Variants in RIOX2 observed in about 807,000 individuals in gnomAD.
The protein encoded by RIOX2 is 60S ribosomal protein L27a histidine hydroxylase.
In RIOX2, 43 loss-of-function variants were observed where a neutral mutation model predicts 51.2. The ratio of observed to expected loss-of-function variants is 0.84; its 90% confidence interval spans 0.66 to 1.08. RIOX2 has a LOEUF of 1.08. Among genes scored for constraint, RIOX2 ranks in the 50% least tolerant of loss-of-function variants. RIOX2 has a pLI of 0.00. For missense variants in RIOX2, 566 were observed against 561.7 expected (o/e 1.01, Z -0.08); for synonymous variants, 226 against 218.5 (o/e 1.03, Z -0.30).
chr3:97,945,107 C>A lies in RIOX2; in HGVS notation c.*77G>T. The A allele has an allele frequency of 7.6e-7, 1 of 1,322,156 alleles. No homozygotes were observed. Among genetic ancestry groups the A allele is most frequent in the South Asian group, 1.7e-5 (1 of 59,332 alleles). 81.9% of individuals were successfully genotyped at this position (1,322,156 alleles called of 1,614,324 possible). On this transcript the variant is annotated 3_prime_UTR_variant, in exon 10 of 10. Transcript: ENST00000394198. ...CGCAGGTAAGGAAACTTGAATTCATCCTCTCCTCGGCTCAGGTCTTTGCTT... is the reference window on the plus strand; with the variant it reads ...CGCAGGTAAGGAAACTTGAATTCATACTCTCCTCGGCTCAGGTCTTTGCTT...
intron 3 of RIOX2, among the ~76,000 whole-genome samples, chr3:97,960,491 T>C (rs914930943): frequency 3.4e-4 from 52 of 152,120 alleles, no homozygotes; most frequent in African/African-American, 1.2e-3. Flanking sequence ...AGGCTACTAG[T>C]AGTTAAGTTT....
Position 97,945,168 on chromosome 3 carries a change from T to C in RIOX2, c.*16A>G, listed in dbSNP as rs2040324766. ...ATATGCATATAAAATAGTAGGCATT[T>C]GATTCTGCAAAGGCACTAGACTACT... is the stretch of plus-strand genomic sequence containing the variant. On this transcript the variant is annotated 3_prime_UTR_variant, in exon 10 of 10. Coordinates refer to ENST00000394198, the MANE Select transcript of RIOX2 (RefSeq NM_153182.4). The C allele has an allele frequency of 6.3e-7, 1 of 1,591,238 alleles. No individual in the cohort carries two copies. The highest frequency in any genetic ancestry group is 2.2e-5 in the East Asian group (1 of 44,504).
chr3:97,963,741 T>C (rs1705771070), intron 2 of RIOX2, among the ~76,000 whole-genome samples: 1 of 152,200 alleles, frequency 6.6e-6, no homozygotes, highest in African/African-American at 2.4e-5. Context: ...AATATGTCTC[T>C]TTTCTTCTTA....
At position 97,945,907 on chromosome 3, in the gene RIOX2, G is replaced by A; in HGVS notation, c.1150-20C>T. On this transcript the variant is annotated intron_variant, in intron 8 of 9. Coordinates refer to ENST00000394198, the MANE Select transcript of RIOX2 (RefSeq NM_153182.4). ...TTCATCCTTTGGGGAAAAAATAAAT[G>A]CATTAGGCCATCAACAACACAACAC... is the stretch of plus-strand genomic sequence containing the variant. 6.5e-7 allele frequency: 1 copy of A among 1,539,580 alleles called. No homozygotes were observed. The highest frequency in any genetic ancestry group is 9.0e-7 in the Non-Finnish European group (1 of 1,114,110).
At position 97,942,246 on chromosome 3, in the gene RIOX2, C is replaced by T; in HGVS notation, c.*2938G>A. Reference sequence around the variant, plus strand: ...ACCTAATTCAACTTACTTTAGCAAACATACTACTGCCAATTAATCATTTCT... The same window carrying T: ...ACCTAATTCAACTTACTTTAGCAAATATACTACTGCCAATTAATCATTTCT... On this transcript the variant is annotated 3_prime_UTR_variant, in exon 10 of 10. Transcript: ENST00000394198. The T allele has an allele frequency of 6.4e-7, 1 of 1,559,936 alleles. No individual in the cohort carries two copies.
intron 1 of RIOX2, chr3:97,971,553 CT>C (rs1387788679): frequency 2.0e-5 from 3 of 152,164 alleles, no homozygotes; most frequent in African/African-American, 7.2e-5. Flanking sequence ...CAGCAGTTAT[CT>C]TTTTAGTCTG....
At chr3:97,968,022 C>T (rs1705959165) in intron 1 of RIOX2, among the ~76,000 whole-genome samples, 1 of 152,212 alleles carries the variant, frequency 6.6e-6, no homozygotes, top group Admixed American at 6.5e-5. Flanking sequence ...TGGCTCCCAT[C>T]AGCATCAGGG....
At chr3:97,958,023 C>T (rs957126294) in intron 4 of RIOX2, among the ~76,000 whole-genome samples, 2 of 152,082 alleles carry the variant, frequency 1.3e-5, no homozygotes, top group Non-Finnish European at 2.9e-5. Flanking sequence ...GTTTGATGAC[C>T]ACTGACTAAA....
intron 4 of RIOX2, 94 bp from the exon 5 acceptor site, chr3:97,954,589 A>G (rs1018354358): frequency 2.9e-6 from 3 of 1,037,122 alleles, no homozygotes; most frequent in Non-Finnish European, 4.4e-6. Flanking sequence ...TTTGAGTCTC[A>G]GTTCTCCATT....
chr3:97,959,209 G>A (rs1314054333), intron 3 of RIOX2, 30 bp from the exon 4 acceptor site: 1 of 1,600,120 alleles, frequency 6.2e-7, no homozygotes, highest in Non-Finnish European at 8.5e-7. Context: ...AGGAGCATCA[G>A]AGAGCTTCCT....
chr3:97,946,324 C>G (rs1178917419), intron 8 of RIOX2, among the ~76,000 whole-genome samples: 1 of 151,796 alleles, frequency 6.6e-6, no homozygotes, highest in Non-Finnish European at 1.5e-5. Context: ...AAGTCATTAA[C>G]TCCTGAGAAA....
chr3:97,950,732 G>T, intron 6 of RIOX2, 54 bp downstream of exon 6: 1 of 1,437,836 alleles, frequency 7.0e-7, no homozygotes, highest in Non-Finnish European at 9.8e-7. Flanking sequence ...TAGGACTTCA[G>T]CTGGCCTGGG....
rs540448169 is a variant in RIOX2, at chr3:97,962,978, G to A, written c.433-1270C>T. ...ATGAATGTACAGTGCCTGGCACACA[G>A]ACTGCATGACAACATATTTAAATAC... On this transcript the variant is annotated intron_variant, in intron 2 of 9. Transcript: ENST00000394198. Among the ~76,000 whole-genome samples, 14 of 152,290 alleles carry A rather than the reference G, an allele frequency of 9.2e-5. No homozygotes were observed. In the East Asian group the frequency reaches 2.7e-3, roughly 29 times the overall value.
intron 2 of RIOX2, among the ~76,000 whole-genome samples, chr3:97,965,210 T>TAAAA (rs10644219): frequency 7.0e-4 from 80 of 114,854 alleles, no homozygotes; most frequent in African/African-American, 1.4e-3. Flanking sequence ...ACAAAGAGAT[T>TAAAA]AAAAAAAAAA....
Position 97,942,873 on chromosome 3 carries a change from G to C in RIOX2, c.*2311C>G, listed in dbSNP as rs904006642. The stretch of plus-strand genomic sequence containing the variant: ...GTCAGGGCCAATATTATTCATGGCT[G>C]TTGCTTTAATTGGGTTAGTCACAGT... On this transcript the variant is annotated 3_prime_UTR_variant, in exon 10 of 10. Transcript: ENST00000394198. The C allele has an allele frequency of 8.2e-6, 2 of 244,794 alleles. No individual in the cohort carries two copies. Among genetic ancestry groups the C allele is most frequent in the African/African-American group, 4.6e-5 (2 of 43,428 alleles). The allele number at this position is 244,794 out of a possible 1,614,324, so 15.2% of individuals were successfully genotyped here. A position where few individuals can be genotyped will look rare whatever the true frequency, so the allele number is the denominator to read the frequency against.
At position 97,972,382 on chromosome 3, in the gene RIOX2, C is replaced by A. The variant is rs1366889780; in HGVS notation, c.-41G>T. 6.6e-6 allele frequency: 1 copy of A among 151,636 alleles called. No individual in the cohort carries two copies. The highest frequency in any genetic ancestry group is 2.4e-5 in the African/African-American group (1 of 41,370). The allele number at this position is 151,636 out of a possible 1,614,324, so 9.4% of individuals were successfully genotyped here. ...TGCCCACGAGAGCGCCCCACTCACC[C>A]GGCACGGCCTGTTGCTCGCGGCCGC... On this transcript the variant is annotated splice_region_variant and 5_prime_UTR_variant, in exon 1 of 10. Transcript: ENST00000394198.
intron 5 of RIOX2, among the ~76,000 whole-genome samples, chr3:97,953,565 T>C (rs931301396): frequency 5.9e-5 from 9 of 152,046 alleles, no homozygotes; most frequent in African/African-American, 2.2e-4. Context: ...TTTTTTTTAG[T>C]AGAGATGGGG....
chr3:97,956,677 T>C (rs1270211195), intron 4 of RIOX2, among the ~76,000 whole-genome samples: 1 of 151,974 alleles, frequency 6.6e-6, no homozygotes, highest in South Asian at 2.1e-4. Flanking sequence ...GTATTTTCAG[T>C]AGAGATGGGG....
intron 3 of RIOX2, among the ~76,000 whole-genome samples, chr3:97,959,422 A>G (rs760073266): frequency 4.6e-5 from 7 of 151,166 alleles, no homozygotes; most frequent in Non-Finnish European, 8.8e-5. Flanking sequence ...CTGGGCTCCA[A>G]TGATCCTCTT....
Sources: allele counts gnomAD v4.1 joint callset (sites outside exome capture counted in the v4.1 genomes callset), GRCh38; gene constraint gnomAD v4.1.1; transcripts MANE v1.5; gene names NCBI Gene and HGNC (gene_info 2026-07-23, HGNC 2026-07-21).